The following BCAS4 variants were observed in gnomAD, a reference collection of about 807,000 sequenced individuals.
The protein encoded by BCAS4 is breast carcinoma amplified sequence 4, also known as breast carcinoma-amplified sequence 4.
Under a neutral mutation model 15.7 loss-of-function variants are expected in BCAS4, and 9 were observed. The observed-to-expected ratio is 0.57, with a 90% confidence interval of 0.34 to 1.00. The LOEUF is 1.00. Among genes scored for constraint, BCAS4 ranks in the 50% least tolerant of loss-of-function variants. The pLI, the probability that BCAS4 is intolerant of heterozygous loss-of-function variation, is 0.02. For synonymous variants in BCAS4, 101 were observed against 99.5 expected (o/e 1.02, Z -0.09); for missense variants, 225 against 239.1 (o/e 0.94, Z 0.39).
intron 4 of BCAS4, among the ~76,000 whole-genome samples, chr20:50,854,887 C>T (rs912587754): frequency 2.1e-4 from 32 of 152,252 alleles, no homozygotes; most frequent in African/African-American, 7.2e-4. Context: ...TGTCGGCCAC[C>T]ATGGATCTCG....
chr20:50,812,438 T>C (rs1362222402), intron 1 of BCAS4, among the ~76,000 whole-genome samples: 1 of 142,514 alleles, frequency 7.0e-6, no homozygotes, highest in Non-Finnish European at 1.5e-5. Flanking sequence ...CTGGCCTTTT[T>C]TTTTTTTTTT....
chr20:50,844,245 C>T (rs987077974), intron 4 of BCAS4, among the ~76,000 whole-genome samples: 11 of 152,016 alleles, frequency 7.2e-5, no homozygotes, highest in African/African-American at 2.7e-4. Context: ...AGTTCAAGAC[C>T]AGCCTTGGCA....
chr20:50,826,677 G>A (rs1426164181), intron 2 of BCAS4, among the ~76,000 whole-genome samples: 4 of 151,954 alleles, frequency 2.6e-5, no homozygotes, highest in African/African-American at 7.2e-5. Context: ...TGGTACATTT[G>A]TCAGTACTAA....
chr20:50,877,329 C>T (rs1176255405), downstream of BCAS4: 1 of 152,256 alleles, frequency 6.6e-6, no homozygotes, highest in Non-Finnish European at 1.5e-5. Flanking sequence ...TAGTCCCGGC[C>T]TTTGGATTTC....
At chr20:50,808,033 G>C (rs962300894) in intron 1 of BCAS4, among the ~76,000 whole-genome samples, 2 of 150,832 alleles carry the variant, frequency 1.3e-5, no homozygotes, top group African/African-American at 4.9e-5. Context: ...TCAGCCTCCC[G>C]AGTAGCTGGG....
At chr20:50,815,000 T>C (rs1344269097) in intron 1 of BCAS4, among the ~76,000 whole-genome samples, 1 of 152,170 alleles carries the variant, frequency 6.6e-6, no homozygotes, top group East Asian at 1.9e-4. Context: ...CAACCCCTTA[T>C]CACGCACCTA....
At chr20:50,846,432 A>G (rs1256869989) in intron 4 of BCAS4, among the ~76,000 whole-genome samples, 2 of 152,012 alleles carry the variant, frequency 1.3e-5, no homozygotes, top group East Asian at 1.9e-4. Flanking sequence ...TGGGAACTAC[A>G]TAGGGAGACC....
chr20:50,817,851 C>G (rs1205499781), intron 1 of BCAS4, among the ~76,000 whole-genome samples: 3 of 152,038 alleles, frequency 2.0e-5, no homozygotes, highest in Admixed American at 2.0e-4. Flanking sequence ...ATCCTTGCCC[C>G]GCTGTTTGTT....
chr20:50,846,584 C>G (rs2088546579), intron 4 of BCAS4: 1 of 146,564 alleles, frequency 6.8e-6, no homozygotes, highest in African/African-American at 2.5e-5. Context: ...GGTGCATGAT[C>G]TGGTCACGTT....
chr20:50,812,356 A>C (rs1401970447), intron 1 of BCAS4, among the ~76,000 whole-genome samples: 1 of 149,862 alleles, frequency 6.7e-6, no homozygotes, highest in Non-Finnish European at 1.5e-5. Flanking sequence ...GATGGTCTCG[A>C]TCTCCTGACG....
chr20:50,815,721 C>T (rs184528731), intron 1 of BCAS4, among the ~76,000 whole-genome samples: 15 of 152,168 alleles, frequency 9.9e-5, no homozygotes, highest in Admixed American at 4.6e-4. Flanking sequence ...TTTGTGCAGT[C>T]GTTTATTTTG....
At chr20:50,871,301 G>T (rs995302830) in intron 4 of BCAS4, among the ~76,000 whole-genome samples, 18 of 152,224 alleles carry the variant, frequency 1.2e-4, no homozygotes, top group African/African-American at 3.9e-4. Context: ...GTCCAAGAGA[G>T]AACGGGTGTG....
Position 50,876,764 on chromosome 20 carries a change from A to G in BCAS4, c.*156A>G. The G allele has an allele frequency of 1.0e-6, 1 of 986,556 alleles. No individual in the cohort carries two copies. The allele number at this position is 986,556 out of a possible 1,614,324, so 61.1% of individuals were successfully genotyped here. On this transcript the variant is annotated 3_prime_UTR_variant, in exon 5 of 5. Coordinates refer to ENST00000371608, the MANE Select transcript of BCAS4 (RefSeq NM_198799.4). ...TCACTATGTTGTCCAGACTGATCTCAAACTCCTGGGCTCAAGTGATCCACC... is the reference window on the plus strand; with the variant it reads ...TCACTATGTTGTCCAGACTGATCTCGAACTCCTGGGCTCAAGTGATCCACC...
At chr20:50,872,241 G>A (rs1217432635) in intron 4 of BCAS4, among the ~76,000 whole-genome samples, 1 of 126,678 alleles carries the variant, frequency 7.9e-6, no homozygotes, top group Admixed American at 8.9e-5. Context: ...TCCAGCCTGG[G>A]CAACAGAGCG....
chr20:50,799,422 T>C (rs2087902126), intron 1 of BCAS4, among the ~76,000 whole-genome samples: 1 of 152,144 alleles, frequency 6.6e-6, no homozygotes, highest in Admixed American at 6.6e-5. Flanking sequence ...ACATGCAGCC[T>C]CCACTTTTAA....
intron 2 of BCAS4, among the ~76,000 whole-genome samples, chr20:50,827,718 G>T (rs561594719): frequency 6.6e-6 from 1 of 152,156 alleles, no homozygotes; most frequent in East Asian, 1.9e-4. Context: ...TCTCATGGGA[G>T]CCCCACTTGA....
At chr20:50,809,191 G>T (rs1168184080) in intron 1 of BCAS4, among the ~76,000 whole-genome samples, 5 of 149,906 alleles carry the variant, frequency 3.3e-5, no homozygotes, top group Admixed American at 3.3e-4. Flanking sequence ...ATTGGTCTAT[G>T]TGCCTATTTT....
chr20:50,795,912 A>C (rs181869497), intron 1 of BCAS4, among the ~76,000 whole-genome samples: 15 of 152,350 alleles, frequency 9.8e-5, no homozygotes, highest in Middle Eastern at 3.4e-3. Flanking sequence ...ACAAATGTAG[A>C]TATCTGTATC....
chr20:50,863,248 CTTTTTTTTTTTTTTT>C (rs1054175958), intron 4 of BCAS4, among the ~76,000 whole-genome samples: 1 of 86,096 alleles, frequency 1.2e-5, no homozygotes, highest in South Asian at 4.1e-4. Flanking sequence ...CTAACTGGTG[CTTTTTTTTTTTTTTT>C]TTTTTTTTTT....
Sources: gnomAD v4.1 joint callset for allele counts (sites outside exome capture counted in the v4.1 genomes callset) on GRCh38, gnomAD v4.1.1 for gene constraint, MANE v1.5 for transcripts, NCBI Gene and HGNC (gene_info 2026-07-23, HGNC 2026-07-21) for gene names.